COL4A2: variants seen among roughly 807,000 people sequenced by gnomAD.
The protein encoded by COL4A2 is collagen type IV alpha 2 chain.
COL4A2 carries 99 observed loss-of-function variants against 200.2 expected under a neutral mutation model. That is an observed-to-expected ratio of 0.49 (90% CI 0.42 to 0.58). The LOEUF (loss-of-function observed/expected upper bound fraction) is 0.58. Ranked by LOEUF, COL4A2 falls within the 20% of genes least tolerant of loss-of-function variation. The probability of loss-of-function intolerance (pLI) is 0.00; values close to 1 mark genes in which losing one functional copy is unlikely to be tolerated. For missense variants in COL4A2, 1,950 were observed against 2,314.1 expected, an observed-to-expected ratio of 0.84 and a Z score of 3.23; for synonymous variants, 897 against 900.6, an observed-to-expected ratio of 1.00 and a Z score of 0.07.
chr13:110,405,445 C>T (rs1416046894), intron 4 of COL4A2, among the ~76,000 whole-genome samples: 1 of 152,024 alleles, frequency 6.6e-6, no homozygotes, highest in African/African-American at 2.4e-5. Flanking sequence ...CGGCCCCCAC[C>T]CCTTCCTGCC....
In COL4A2 at chr13:110,469,306, G is replaced by T. The variant is rs201058867; in HGVS notation, c.2185G>T (p.Gly729Trp). 3.1e-6 allele frequency: 5 copies of T among 1,589,386 alleles called. No individual in the cohort carries two copies. Among genetic ancestry groups the T allele is most frequent in the Non-Finnish European group, 3.4e-6 (4 of 1,168,006 alleles). Residue 729 changes from glycine (G) to tryptophan (W), a missense_variant, in exon 28 of 48, where the codon GGG becomes TGG. Coordinates refer to ENST00000360467, the MANE Select transcript of COL4A2 (RefSeq NM_001846.4). Reference protein sequence around the residue: ...RGLPGDAGREGFPGPPGFIGP... With the variant: ...RGLPGDAGREWFPGPPGFIGP... ...CTTGCCAGGAGACGCAGGTCGTGAAGGGTTCCCAGGACCCCCAGGTGAGTT... is the reference window on the plus strand; with the variant it reads ...CTTGCCAGGAGACGCAGGTCGTGAATGGTTCCCAGGACCCCCAGGTGAGTT...
Position 110,489,762 on chromosome 13 carries a change from A to G in COL4A2, c.3323A>G (p.Glu1108Gly). Residue 1108 changes from glutamate to glycine, a missense_variant, in exon 36 of 48, where the codon GAG becomes GGG. Physicochemically the swap from Glu to Gly is moderately conservative, Grantham distance 98. Coordinates refer to ENST00000360467, the MANE Select transcript of COL4A2 (RefSeq NM_001846.4). ...CCAGGAAGACCAGGCCTGAAGGGGG[A>G]GCGGGGCACCACTGGAATACCAGGT... ...NLPGRPGLKG[E>G]RGTTGIPGLK... 1 of 1,612,660 alleles carries G rather than the reference A, an allele frequency of 6.2e-7. No individual in the cohort carries two copies. Among genetic ancestry groups the G allele is most frequent in the Non-Finnish European group, 8.5e-7 (1 of 1,179,618 alleles).
intron 4 of COL4A2, among the ~76,000 whole-genome samples, chr13:110,414,656 G>T (rs995119987): frequency 1.3e-5 from 2 of 152,152 alleles, no homozygotes; most frequent in Admixed American, 6.5e-5. Context: ...TGAAGCCTTT[G>T]GGAAAATAAT....
intron 4 of COL4A2, among the ~76,000 whole-genome samples, chr13:110,397,776 CTG>C (rs1566511476): frequency 2.0e-5 from 3 of 152,178 alleles, no homozygotes; most frequent in African/African-American, 4.8e-5. Context: ...AGAATCAGCT[CTG>C]TGTTTGGGGG....
In COL4A2 at chr13:110,443,213, C is replaced by T. The variant is rs145761437; in HGVS notation, c.958-2616C>T. Among the ~76,000 whole-genome samples the T allele has an allele frequency of 7.1e-3, 1,081 of 152,344 alleles. 9 individuals are homozygous for T. The highest frequency in any genetic ancestry group is 0.022 in the African/African-American group (914 of 41,578). ...GGCTGGCAGGGTTTCTTTGCAGAGG[C>T]GCCTCTTTCAAGAGGCACATGCGTT... On this transcript the variant is annotated intron_variant, in intron 16 of 47. Transcript: ENST00000360467.
chr13:110,414,540 C>T (rs1055550672), intron 4 of COL4A2, among the ~76,000 whole-genome samples: 1 of 152,150 alleles, frequency 6.6e-6, no homozygotes, highest in East Asian at 1.9e-4. Context: ...AAGTGCCCTG[C>T]CTGATTGCTA....
Position 110,357,484 on chromosome 13 carries a change from T to A in COL4A2, c.112T>A (p.Phe38Ile). Reference protein sequence around the residue: ...AQSVLAGVKKFDVPCGGRDCS... With the variant: ...AQSVLAGVKKIDVPCGGRDCS... ...TTTATTGTTGCAGGGTGTGAAGAAG[T>A]TTGATGTGCCGTGTGGAGGAAGAGA... The change falls in exon 4 of 48, where the codon TTT becomes ATT. Residue 38 changes from phenylalanine to isoleucine, a missense_variant. Phe to Ile is a conservative substitution (Grantham distance 21, BLOSUM62 0). Around this residue, in one of 2 missense-constraint regions of COL4A2, gnomAD observed 565 missense variants for 593.5 expected, o/e 0.95. Coordinates refer to ENST00000360467, the MANE Select transcript of COL4A2 (RefSeq NM_001846.4). 1 of 1,591,748 alleles carries A rather than the reference T, an allele frequency of 6.3e-7. No homozygotes were observed. Among genetic ancestry groups the A allele is most frequent in the South Asian group, 1.1e-5 (1 of 87,614 alleles).
intron 6 of COL4A2, 88 bp downstream of exon 6, chr13:110,425,085 A>G: frequency 6.6e-7 from 1 of 1,517,396 alleles, no homozygotes; most frequent in Non-Finnish European, 9.1e-7. Flanking sequence ...TTTGAATGAG[A>G]CCTCCTTTTT....
chr13:110,426,312 A>G (rs1880469779), intron 6 of COL4A2, among the ~76,000 whole-genome samples: 1 of 152,134 alleles, frequency 6.6e-6, no homozygotes, highest in African/African-American at 2.4e-5. Flanking sequence ...TCCACTTTAC[A>G]CTCACTTAAT....
rs774702606 is a variant in COL4A2, at chr13:110,458,835, A to G, written c.1497A>G (p.Pro499=). The change falls in exon 22 of 48, where the codon CCA becomes CCG. Residue 499 remains proline (P), a synonymous_variant. Coordinates refer to ENST00000360467, the MANE Select transcript of COL4A2 (RefSeq NM_001846.4). ...CTATCAAAGGTCTTCCGGGACTGCC[A>G]GGACCCAAGGGCTTCGCAGGCATCA... ...DEAIKGLPGL[P]GPKGFAGING... 5 of 1,613,784 alleles carry G rather than the reference A, an allele frequency of 3.1e-6. No individual in the cohort carries two copies. Among genetic ancestry groups the G allele is most frequent in the Non-Finnish European group, 4.2e-6 (5 of 1,179,932 alleles).
At position 110,419,705 on chromosome 13, in the gene COL4A2, G is replaced by A. The variant is rs1456703215; in HGVS notation, c.181-5029G>A. 2.6e-5 allele frequency among the ~76,000 whole-genome samples: 4 copies of A among 152,174 alleles called. No individual in the cohort carries two copies. In the East Asian group the frequency reaches 7.7e-4, roughly 29 times the overall value. Reference sequence around the variant, plus strand: ...AGACTGCAGCTTCCAAAACCAGCCCGGATGGCCCATGTGCGCACCAGCCAT... The same window carrying A: ...AGACTGCAGCTTCCAAAACCAGCCCAGATGGCCCATGTGCGCACCAGCCAT... On this transcript the variant is annotated intron_variant, in intron 4 of 47. Coordinates refer to ENST00000360467, the MANE Select transcript of COL4A2 (RefSeq NM_001846.4).
At chr13:110,347,084 C>G (rs927453428) in intron 3 of COL4A2, among the ~76,000 whole-genome samples, 1 of 152,216 alleles carries the variant, frequency 6.6e-6, no homozygotes, top group Admixed American at 6.5e-5. Flanking sequence ...TGAGTGTGAA[C>G]TGTGAAGAAG....
intron 3 of COL4A2, among the ~76,000 whole-genome samples, chr13:110,338,114 C>T (rs1876284398): frequency 1.3e-5 from 2 of 152,110 alleles, no homozygotes; most frequent in East Asian, 1.9e-4. Context: ...TAGATCTTTC[C>T]GTGATCCCTT....
chr13:110,339,185 A>AT (rs1876341125), intron 3 of COL4A2, among the ~76,000 whole-genome samples: 1 of 152,196 alleles, frequency 6.6e-6, no homozygotes, highest in African/African-American at 2.4e-5. Flanking sequence ...CAGTGACTTG[A>AT]TTTTAAATGG....
intron 25 of COL4A2, 94 bp from the exon 26 acceptor site, chr13:110,465,909 C>G (rs558092459): frequency 1.1e-5 from 16 of 1,453,926 alleles, no homozygotes; most frequent in Non-Finnish European, 1.4e-5. Flanking sequence ...GCAACATATA[C>G]GACACACCTT....
intron 3 of COL4A2, among the ~76,000 whole-genome samples, chr13:110,347,111 T>C (rs1876738622): frequency 6.6e-6 from 1 of 152,146 alleles, no homozygotes; most frequent in South Asian, 2.1e-4. Flanking sequence ...GGGCAGAGGA[T>C]GTGTGTCAGG....
At chr13:110,381,813 A>G (rs983606715) in intron 4 of COL4A2, among the ~76,000 whole-genome samples, 1 of 152,118 alleles carries the variant, frequency 6.6e-6, no homozygotes, top group Non-Finnish European at 1.5e-5. Context: ...CATCATCTTC[A>G]TATCATCGTT....
At chr13:110,496,737 T>G (rs1401712826) in intron 40 of COL4A2, among the ~76,000 whole-genome samples, 1 of 147,428 alleles carries the variant, frequency 6.8e-6, no homozygotes, top group Non-Finnish European at 1.5e-5. Flanking sequence ...GGATCTAAGG[T>G]CAGTCCACCA....
At chr13:110,425,382 T>G (rs1232545733) in intron 6 of COL4A2, among the ~76,000 whole-genome samples, 1 of 152,222 alleles carries the variant, frequency 6.6e-6, no homozygotes, top group Non-Finnish European at 1.5e-5. Context: ...TGAGCATTTG[T>G]GCAGCTTCTC....
Sources: allele counts gnomAD v4.1 joint callset (sites outside exome capture counted in the v4.1 genomes callset), GRCh38; gene constraint gnomAD v4.1.1; regional missense constraint gnomAD v4.1.1; transcripts MANE v1.5; gene names NCBI Gene and HGNC (gene_info 2026-07-23, HGNC 2026-07-21).